Variants in FSTL5 observed in about 807,000 individuals in gnomAD.
FSTL5 encodes the protein follistatin like 5.
A neutral mutation model predicts 89.1 loss-of-function variants in FSTL5; 62 were observed. That is an observed-to-expected ratio of 0.70 (90% CI 0.57 to 0.86). The LOEUF (loss-of-function observed/expected upper bound fraction) is 0.86, where lower values mean the gene tolerates loss of function less well. Among genes scored for constraint, FSTL5 ranks in the 40% least tolerant of loss-of-function variants. The pLI, the probability that FSTL5 is intolerant of heterozygous loss-of-function variation, is 0.00. For synonymous variants in FSTL5, 383 were observed against 346.2 expected (o/e 1.11, Z -1.18); for missense variants, 1,057 against 1,001.6 (o/e 1.06, Z -0.75).
At chr4:161,644,291 C>G (rs1236878125) in intron 7 of FSTL5, among the ~76,000 whole-genome samples, 1 of 151,938 alleles carries the variant, frequency 6.6e-6, no homozygotes, top group Non-Finnish European at 1.5e-5. Context: ...CTTTGGGAGG[C>G]CAAGGAGGGC....
At chr4:161,585,274 A>T (rs1218880913) in intron 8 of FSTL5, among the ~76,000 whole-genome samples, 1 of 152,352 alleles carries the variant, frequency 6.6e-6, no homozygotes, top group Non-Finnish European at 1.5e-5. Flanking sequence ...ATGAATGAAG[A>T]GCAGCAGCTC....
intron 8 of FSTL5, among the ~76,000 whole-genome samples, chr4:161,569,118 C>T (rs1732916583): frequency 1.3e-5 from 2 of 152,146 alleles, no homozygotes; most frequent in South Asian, 4.1e-4. Flanking sequence ...GTATCTGAGA[C>T]TACAAAAACA....
chr4:161,509,296 T>C (rs1730581923), intron 11 of FSTL5, among the ~76,000 whole-genome samples: 2 of 152,144 alleles, frequency 1.3e-5, no homozygotes, highest in African/African-American at 4.8e-5. Context: ...AGAGTGAAAC[T>C]CCATCTCAAA....
chr4:161,736,747 G>A lies in FSTL5; in HGVS notation c.727+22664C>T, dbSNP rs115765855. 4.7e-3 allele frequency among the ~76,000 whole-genome samples: 717 copies of A among 152,232 alleles called. 7 individuals are homozygous for A. The highest frequency in any genetic ancestry group is 0.016 in the African/African-American group (675 of 41,574). On this transcript the variant is annotated intron_variant, in intron 6 of 15. Transcript: ENST00000306100. ...AAATCTGTCCTGCAGATTAGAGGCA[G>A]TTAAAAACAGATTCCTCTGTATGGG...
intron 7 of FSTL5, among the ~76,000 whole-genome samples, chr4:161,615,293 CAA>C (rs1203046031): frequency 1.5e-4 from 4 of 26,462 alleles, no homozygotes; most frequent in Middle Eastern, 0.029. Context: ...GACTCTGTCT[CAA>C]AAAAAAAAAA....
intron 7 of FSTL5, among the ~76,000 whole-genome samples, chr4:161,611,227 TATAC>T (rs1272671839): frequency 6.3e-4 from 47 of 74,840 alleles, no homozygotes; most frequent in Admixed American, 1.2e-3. Context: ...TGTGTATGTG[TATAC>T]ATATATATAT....
In FSTL5 at chr4:161,386,166, T is replaced by A; in HGVS notation, c.2125A>T (p.Ile709Phe). The A allele has an allele frequency of 6.2e-7, 1 of 1,614,060 alleles. No homozygotes were observed. The highest frequency in any genetic ancestry group is 8.5e-7 in the Non-Finnish European group (1 of 1,179,988). ...VSPDGHYLVS[I>F]NDVKGLVRVQ... ...CTTACAAGACCTTTCACATCATTAA[T>A]GCTGACAAGGTAGTGGCCATCTGGA... is the stretch of plus-strand genomic sequence containing the variant. The change falls in exon 16 of 16, where the codon ATT (isoleucine) becomes TTT (phenylalanine). Residue 709 changes from isoleucine to phenylalanine, a missense_variant. Transcript: ENST00000306100.
At chr4:161,523,281 T>C (rs1345553735) in intron 10 of FSTL5, among the ~76,000 whole-genome samples, 1 of 152,200 alleles carries the variant, frequency 6.6e-6, no homozygotes, top group Admixed American at 6.5e-5. Flanking sequence ...TTAGGCTCTG[T>C]AGCCAAAATT....
At chr4:161,425,629 C>A (rs1441341464) in intron 15 of FSTL5, among the ~76,000 whole-genome samples, 1 of 152,156 alleles carries the variant, frequency 6.6e-6, no homozygotes, top group African/African-American at 2.4e-5. Flanking sequence ...TACCACAAGG[C>A]ATTAGAGAGA....
At chr4:161,701,025 T>A (rs187301183) in intron 6 of FSTL5, among the ~76,000 whole-genome samples, 92 of 152,336 alleles carry the variant, frequency 6.0e-4, no homozygotes, top group African/African-American at 2.1e-3. Context: ...TGGAGGCATA[T>A]TCTTTATATC....
rs115414171 is a variant in FSTL5, at chr4:161,830,111, A to C, written c.410-54037T>G. The stretch of plus-strand genomic sequence containing the variant: ...ACATTCAAAGGGATTTTTGTTAGGT[A>C]AATATATTTGATATTGTGCAAATAA... On this transcript the variant is annotated intron_variant, in intron 4 of 15. Transcript: ENST00000306100. 4.1e-3 allele frequency among the ~76,000 whole-genome samples: 619 copies of C among 152,216 alleles called. 4 individuals are homozygous for C. The highest frequency in any genetic ancestry group is 0.014 in the African/African-American group (601 of 41,572).
intron 2 of FSTL5, among the ~76,000 whole-genome samples, chr4:162,105,665 T>C (rs1239423500): frequency 6.6e-6 from 1 of 152,136 alleles, no homozygotes; most frequent in Non-Finnish European, 1.5e-5. Context: ...TATTCAGCCT[T>C]TTTGGTATAT....
chr4:161,760,780 T>A (rs576694060), intron 5 of FSTL5, among the ~76,000 whole-genome samples: 3 of 152,334 alleles, frequency 2.0e-5, no homozygotes, highest in African/African-American at 7.2e-5. Flanking sequence ...TGTCTTGGAC[T>A]TTCTTTAGTA....
intron 4 of FSTL5, among the ~76,000 whole-genome samples, chr4:161,841,561 A>G (rs1489624660): frequency 6.6e-6 from 1 of 152,170 alleles, no homozygotes. Context: ...TCTAGGAGAT[A>G]AAAATATATT....
intron 1 of FSTL5, among the ~76,000 whole-genome samples, chr4:162,116,441 G>T (rs934172095): frequency 6.6e-6 from 1 of 152,140 alleles, no homozygotes; most frequent in Non-Finnish European, 1.5e-5. Flanking sequence ...ATGAGGAAAG[G>T]GTTACTATAA....
intron 2 of FSTL5, among the ~76,000 whole-genome samples, chr4:162,102,651 A>T (rs1384236596): frequency 6.9e-6 from 1 of 145,954 alleles, no homozygotes; most frequent in Non-Finnish European, 1.5e-5. Context: ...ATGTATATTT[A>T]TATATACATA....
At chr4:161,941,776 A>G (rs1560927992) in intron 3 of FSTL5, among the ~76,000 whole-genome samples, 1 of 151,926 alleles carries the variant, frequency 6.6e-6, no homozygotes, top group Non-Finnish European at 1.5e-5. Context: ...TTCAAACACT[A>G]CAAACCTAAT....
Position 161,720,204 on chromosome 4 carries a change from C to CAAA in FSTL5, c.727+39204_727+39206dup, listed in dbSNP as rs34684242. Among the ~76,000 whole-genome samples, 93 of 142,082 alleles carry CAAA rather than the reference C, an allele frequency of 6.5e-4. 1 individual carries two copies. Among genetic ancestry groups the CAAA allele is most frequent in the African/African-American group, 1.7e-3 (67 of 38,918 alleles). The allele number at this position is 142,082 out of a possible 152,430, so 93.2% of individuals were successfully genotyped here. A position where few individuals can be genotyped will look rare whatever the true frequency, so the allele number is the denominator to read the frequency against. ...ATAATGAAGCCCTACAACACAATAG[C>CAAA]AAAAAAAAAAAAAAAATCCAATTAA... On this transcript the variant is annotated intron_variant, in intron 6 of 15. Transcript: ENST00000306100.
chr4:161,636,569 G>A (rs148799775), intron 7 of FSTL5, among the ~76,000 whole-genome samples: 46 of 147,714 alleles, frequency 3.1e-4, no homozygotes, highest in African/African-American at 1.0e-3. Flanking sequence ...GCACTAACTC[G>A]TCATCTAGCA....
Sources: gnomAD v4.1 joint callset for allele counts (sites outside exome capture counted in the v4.1 genomes callset) on GRCh38, gnomAD v4.1.1 for gene constraint, MANE v1.5 for transcripts, NCBI Gene and HGNC (gene_info 2026-07-23, HGNC 2026-07-21) for gene names.